The following BMP7 variants were observed in gnomAD, a reference collection of about 807,000 sequenced individuals.
BMP7 encodes the protein bone morphogenetic protein 7, also known as osteogenic protein 1.
BMP7 carries 12 observed loss-of-function variants against 41.2 expected under a neutral mutation model. The ratio of observed to expected loss-of-function variants is 0.29; its 90% CI spans 0.19 to 0.47. The LOEUF (loss-of-function observed/expected upper bound fraction) is 0.47, where lower values mean the gene tolerates loss of function less well. Ranked by LOEUF, BMP7 falls within the 20% of genes least tolerant of loss-of-function variation. The pLI is 0.99. For missense variants in BMP7, 467 were observed against 606.0 expected, an observed-to-expected ratio of 0.77 and a Z score of 2.41; for synonymous variants, 248 against 250.0, an observed-to-expected ratio of 0.99 and a Z score of 0.07.
At chr20:57,207,984 C>T (rs958177640) in intron 2 of BMP7, among the ~76,000 whole-genome samples, 10 of 151,760 alleles carry the variant, frequency 6.6e-5, no homozygotes, top group African/African-American at 1.9e-4. Context: ...CGCCCGCCAC[C>T]GCGCCCGGCT....
At chr20:57,255,277 C>T (rs2066129881) in intron 1 of BMP7, among the ~76,000 whole-genome samples, 1 of 152,192 alleles carries the variant, frequency 6.6e-6, no homozygotes, top group Admixed American at 6.5e-5. Flanking sequence ...TGGGCCCCTT[C>T]AGCATCCTCC....
intron 2 of BMP7, among the ~76,000 whole-genome samples, chr20:57,221,945 G>A (rs1985199486): frequency 6.6e-6 from 1 of 152,154 alleles, no homozygotes; most frequent in South Asian, 2.1e-4. Context: ...CCCAAAGGCA[G>A]CCATCCCTTC....
At chr20:57,180,513 CCTGACT>C (rs1364147515) in intron 4 of BMP7, among the ~76,000 whole-genome samples, 2 of 152,164 alleles carry the variant, frequency 1.3e-5, no homozygotes, top group Admixed American at 6.5e-5. Flanking sequence ...TAGGCACCAC[CCTGACT>C]CTGGGTCTGT....
intron 1 of BMP7, among the ~76,000 whole-genome samples, chr20:57,232,490 T>C (rs953142045): frequency 6.6e-6 from 1 of 152,164 alleles, no homozygotes; most frequent in African/African-American, 2.4e-5. Flanking sequence ...GTACAATCAT[T>C]AGAGTCATGC....
At chr20:57,205,646 C>T (rs1984712871) in intron 2 of BMP7, among the ~76,000 whole-genome samples, 2 of 152,302 alleles carry the variant, frequency 1.3e-5, no homozygotes, top group South Asian at 4.1e-4. Context: ...TTGTTATTAG[C>T]AGGAAAATGT....
At position 57,170,625 on chromosome 20, in the gene BMP7, A is replaced by G. The variant is rs10375; in HGVS notation, c.*334T>C. 0.47 allele frequency: 163,919 copies of G among 352,400 alleles called. 40,508 individuals carry two copies. The highest frequency in any genetic ancestry group is 0.68 in the East Asian group (9,532 of 13,954). 21.8% of individuals were successfully genotyped at this position (352,400 alleles called of 1,614,324 possible). On this transcript the variant is annotated 3_prime_UTR_variant, in exon 7 of 7. Coordinates refer to ENST00000395863, the MANE Select transcript of BMP7 (RefSeq NM_001719.3). ...CCCACGGCTGGGTGGCCTGGCTGGT[A>G]GGCGCTCATAATTACCTCTGGAAAC...
chr20:57,200,427 A>T (rs1277215017), intron 3 of BMP7, among the ~76,000 whole-genome samples: 1 of 152,080 alleles, frequency 6.6e-6, no homozygotes, highest in Non-Finnish European at 1.5e-5. Context: ...TAGGTGCTGG[A>T]GGTGAAAGGG....
At position 57,183,868 on chromosome 20, in the gene BMP7, TGGG is replaced by T; in HGVS notation, c.809_811del (p.Pro270del). 1 of 1,614,182 alleles carries T rather than the reference TGGG, an allele frequency of 6.2e-7. No homozygotes were observed. The highest frequency in any genetic ancestry group is 1.3e-5 in the African/African-American group (1 of 75,058). On this transcript the variant is annotated inframe_deletion, in exon 4 of 7. Coordinates refer to ENST00000395863, the MANE Select transcript of BMP7 (RefSeq NM_001719.3). ...AGCCACCATGAAGGGCTGCTTGTTCTGGGGCCCGTGCCGCCCAATCAGGCCCGC... is the reference window on the plus strand; with the variant it reads ...AGCCACCATGAAGGGCTGCTTGTTCTGCCCGTGCCGCCCAATCAGGCCCGC...
intron 2 of BMP7, among the ~76,000 whole-genome samples, chr20:57,212,495 G>C (rs987013430): frequency 3.3e-5 from 5 of 152,158 alleles, no homozygotes; most frequent in Admixed American, 2.6e-4. Context: ...TCTGACCCTC[G>C]CCCTCGCCTC....
chr20:57,191,623 G>A (rs1180585559), intron 3 of BMP7, among the ~76,000 whole-genome samples: 2 of 151,522 alleles, frequency 1.3e-5, no homozygotes, highest in Non-Finnish European at 2.9e-5. Flanking sequence ...CCAGCTACTT[G>A]GGAGGCTGAG....
At chr20:57,219,797 C>T (rs900366447) in intron 2 of BMP7, among the ~76,000 whole-genome samples, 2 of 152,216 alleles carry the variant, frequency 1.3e-5, no homozygotes, top group Non-Finnish European at 2.9e-5. Flanking sequence ...GCCTCCCCAT[C>T]TCCCCACTGC....
At chr20:57,178,864 T>C (rs1354111728) in intron 4 of BMP7, among the ~76,000 whole-genome samples, 1 of 152,126 alleles carries the variant, frequency 6.6e-6, no homozygotes, top group African/African-American at 2.4e-5. Context: ...GGAAGTCCCA[T>C]GATCTATTAG....
intron 1 of BMP7, among the ~76,000 whole-genome samples, chr20:57,248,158 T>C (rs1384936003): frequency 6.6e-6 from 1 of 152,228 alleles, no homozygotes; most frequent in East Asian, 1.9e-4. Flanking sequence ...GGAAGCTTGC[T>C]TAGGGCCTCT....
At chr20:57,234,859 C>T (rs569022035) in intron 1 of BMP7, among the ~76,000 whole-genome samples, 1 of 152,254 alleles carries the variant, frequency 6.6e-6, no homozygotes, top group Non-Finnish European at 1.5e-5. Context: ...TTACTCTTCA[C>T]GCAATTCCTT....
At chr20:57,219,138 G>T (rs1435742987) in intron 2 of BMP7, among the ~76,000 whole-genome samples, 1 of 122,616 alleles carries the variant, frequency 8.2e-6, no homozygotes, top group Non-Finnish European at 1.5e-5. Flanking sequence ...GTAGCTGTTC[G>T]GTGGTAGCTG....
chr20:57,245,196 A>G (rs2066084960), intron 1 of BMP7, among the ~76,000 whole-genome samples: 1 of 152,214 alleles, frequency 6.6e-6, no homozygotes, highest in Non-Finnish European at 1.5e-5. Context: ...AGCCTCACTC[A>G]TTTCAAGTTC....
intron 2 of BMP7, among the ~76,000 whole-genome samples, chr20:57,216,876 T>C (rs960342053): frequency 5.3e-5 from 8 of 152,040 alleles, no homozygotes; most frequent in African/African-American, 1.7e-4. Flanking sequence ...AGAAATGCTG[T>C]CTACATTCAT....
chr20:57,183,377 T>C (rs1236699289), intron 4 of BMP7, among the ~76,000 whole-genome samples: 1 of 42,636 alleles, frequency 2.3e-5, no homozygotes, highest in Non-Finnish European at 4.1e-5. Flanking sequence ...TCCCCCTCCT[T>C]CCATGGGGTA....
At chr20:57,216,486 G>A (rs1239161777) in intron 2 of BMP7, among the ~76,000 whole-genome samples, 3 of 151,720 alleles carry the variant, frequency 2.0e-5, no homozygotes, top group Non-Finnish European at 4.4e-5. Flanking sequence ...CTGAGGACGA[G>A]GGCGCTGTCT....
Sources: gnomAD v4.1 joint callset for allele counts (sites outside exome capture counted in the v4.1 genomes callset) on GRCh38, gnomAD v4.1.1 for gene constraint, MANE v1.5 for transcripts, NCBI Gene and HGNC (gene_info 2026-07-23, HGNC 2026-07-21) for gene names.